Variants in FOCAD observed in about 807,000 individuals in gnomAD.
FOCAD encodes focadhesin.
Under a neutral mutation model 225.6 loss-of-function variants are expected in FOCAD, and 198 were observed. The observed-to-expected ratio is 0.88, with a 90% CI of 0.78 to 0.99. The LOEUF is 0.99. FOCAD is among the 50% of genes least tolerant of loss of function. The pLI, the probability that FOCAD is intolerant of heterozygous loss-of-function variation, is 0.00. For synonymous variants in FOCAD, 897 were observed against 755.0 expected (o/e 1.19, Z -3.08); for missense variants, 2,713 against 2,123.6 (o/e 1.28, Z -5.46).
intron 15 of FOCAD, among the ~76,000 whole-genome samples, chr9:20,850,586 AT>A (rs749921030): frequency 3.3e-5 from 5 of 151,786 alleles, no homozygotes; most frequent in Non-Finnish European, 5.9e-5. Context: ...TTAAATGCCA[AT>A]TTACATGATT....
rs541269052 is a variant in FOCAD, at chr9:20,894,301, C to T, written c.2625+9071C>T. 2.0e-5 allele frequency among the ~76,000 whole-genome samples: 3 copies of T among 152,174 alleles called. No individual in the cohort carries two copies. In the South Asian group the frequency reaches 6.2e-4, roughly 32 times the overall value. ...CTACAGAAGGATATTTTGGTTGCTTCCAAGTTTTAGCAAATATGTATAAAA... is the reference window on the plus strand; with the variant it reads ...CTACAGAAGGATATTTTGGTTGCTTTCAAGTTTTAGCAAATATGTATAAAA... On this transcript the variant is annotated intron_variant, in intron 21 of 43. Transcript: ENST00000338382.
intron 20 of FOCAD, among the ~76,000 whole-genome samples, chr9:20,883,093 A>G (rs1830813970): frequency 6.6e-6 from 1 of 152,188 alleles, no homozygotes; most frequent in South Asian, 2.1e-4. Flanking sequence ...ATTGACAATA[A>G]CACCATTTAG....
chr9:20,737,878 T>A (rs1398554317), intron 4 of FOCAD, among the ~76,000 whole-genome samples: 1 of 152,200 alleles, frequency 6.6e-6, no homozygotes. Flanking sequence ...AACTCTACCC[T>A]GTGACTTAGT....
At chr9:20,811,629 G>C (rs1346926082) in intron 11 of FOCAD, among the ~76,000 whole-genome samples, 1 of 151,986 alleles carries the variant, frequency 6.6e-6, no homozygotes, top group Admixed American at 6.6e-5. Flanking sequence ...AGATTATACT[G>C]TTTACCTTTT....
At chr9:20,694,169 A>T (rs77422631) in intron 1 of FOCAD, among the ~76,000 whole-genome samples, 1 of 152,218 alleles carries the variant, frequency 6.6e-6, no homozygotes, top group Non-Finnish European at 1.5e-5. Context: ...GTAAATCATA[A>T]CATTTTTTGT....
rs140529464 is a variant in FOCAD, at chr9:20,838,756, T to C, written c.1920+15641T>C. On this transcript the variant is annotated intron_variant, in intron 15 of 43. Coordinates refer to ENST00000338382, the MANE Select transcript of FOCAD (RefSeq NM_001375567.1). Reference sequence around the variant, plus strand: ...CTAGAGATAAAGCTTAGACTGTTTATTATTTGAGTTCCCCATGACTTTGAT... The same window carrying C: ...CTAGAGATAAAGCTTAGACTGTTTACTATTTGAGTTCCCCATGACTTTGAT... 6.7e-3 allele frequency among the ~76,000 whole-genome samples: 1,022 copies of C among 152,202 alleles called. 13 individuals are homozygous for C. The highest frequency in any genetic ancestry group is 0.039 in the South Asian group (189 of 4,818).
In FOCAD at chr9:20,948,319, G is replaced by C. The variant is rs758945973; in HGVS notation, c.3724G>C (p.Val1242Leu). 13 of 1,612,228 alleles carry C rather than the reference G, an allele frequency of 8.1e-6. No individual in the cohort carries two copies. In the South Asian group the frequency reaches 1.3e-4, roughly 16 times the overall value. ...AGGAAACATAGTTCATGGATTGTCTGTGTGTGGACATGGAAAAGCTGAAGA... is the reference window on the plus strand; with the variant it reads ...AGGAAACATAGTTCATGGATTGTCTCTGTGTGGACATGGAAAAGCTGAAGA... ...ALGNIVHGLS[V>L]CGHGKAEDLG... The change falls in exon 31 of 44, where the codon GTG becomes CTG. Residue 1242 changes from valine to leucine, a missense_variant. By Grantham distance (32) the Val-to-Leu change is conservative. Coordinates refer to ENST00000338382, the MANE Select transcript of FOCAD (RefSeq NM_001375567.1).
At chr9:20,816,058 CCTT>C (rs1356779967) in intron 11 of FOCAD, among the ~76,000 whole-genome samples, 1 of 152,046 alleles carries the variant, frequency 6.6e-6, no homozygotes, top group East Asian at 1.9e-4. Context: ...GTAAACATTT[CCTT>C]CTTTTTTCAT....
chr9:20,876,322 C>G (rs1375532467), intron 19 of FOCAD, among the ~76,000 whole-genome samples: 1 of 152,136 alleles, frequency 6.6e-6, no homozygotes, highest in South Asian at 2.1e-4. Context: ...AAAGTTCTTT[C>G]TTTAACCTGA....
intron 1 of FOCAD, among the ~76,000 whole-genome samples, chr9:20,689,312 A>T (rs964032422): frequency 2.6e-5 from 4 of 152,180 alleles, no homozygotes; most frequent in Non-Finnish European, 4.4e-5. Context: ...GCTCACCCAG[A>T]TGACTGTAGA....
chr9:20,720,300 C>T (rs1825670243), intron 3 of FOCAD, 80 bp from the exon 4 acceptor site: 1 of 1,369,934 alleles, frequency 7.3e-7, no homozygotes, highest in African/African-American at 1.4e-5. Context: ...ACAAATTACT[C>T]ATTGATGAAT....
intron 2 of FOCAD, among the ~76,000 whole-genome samples, chr9:20,717,487 C>G (rs1008127664): frequency 6.6e-6 from 1 of 152,144 alleles, no homozygotes; most frequent in Non-Finnish European, 1.5e-5. Context: ...ATGGAGTAAG[C>G]AATCTCAAGT....
intron 6 of FOCAD, among the ~76,000 whole-genome samples, chr9:20,758,612 G>T (rs1010438181): frequency 6.7e-6 from 1 of 149,624 alleles, no homozygotes; most frequent in African/African-American, 2.5e-5. Flanking sequence ...GAGACTATGC[G>T]GTGTTTGGTT....
chr9:20,995,760 C>A lies in FOCAD; in HGVS notation c.*131C>A. 1 of 734,270 alleles carries A rather than the reference C, an allele frequency of 1.4e-6. No homozygotes were observed. Among genetic ancestry groups the A allele is most frequent in the Admixed American group, 2.5e-5 (1 of 40,432 alleles). 45.5% of individuals were successfully genotyped at this position (734,270 alleles called of 1,614,324 possible). A position where few individuals can be genotyped will look rare whatever the true frequency, so the allele number is the denominator to read the frequency against. ...AGAGTTAAGGGTCATGAAAAGATGG[C>A]CACATCACTGACAGCTTGACACATG... On this transcript the variant is annotated 3_prime_UTR_variant, in exon 44 of 44. Transcript: ENST00000338382.
intron 35 of FOCAD, among the ~76,000 whole-genome samples, chr9:20,953,895 A>T (rs1837909476): frequency 6.6e-6 from 1 of 152,200 alleles, no homozygotes; most frequent in South Asian, 2.1e-4. Flanking sequence ...AAAAAAATAA[A>T]CAAAAAAACT....
intron 4 of FOCAD, among the ~76,000 whole-genome samples, chr9:20,736,990 C>A (rs1237677562): frequency 1.3e-5 from 2 of 151,802 alleles, no homozygotes. Flanking sequence ...GGGATAGTTT[C>A]AATTAAATTT....
intron 11 of FOCAD, among the ~76,000 whole-genome samples, chr9:20,799,934 TC>T (rs1454014035): frequency 6.6e-6 from 1 of 152,156 alleles, no homozygotes; most frequent in Non-Finnish European, 1.5e-5. Flanking sequence ...TGCAGTTTCT[TC>T]CTAGCCTCAA....
chr9:20,959,712 G>C (rs1385744830), intron 35 of FOCAD, among the ~76,000 whole-genome samples: 2 of 151,922 alleles, frequency 1.3e-5, no homozygotes, highest in African/African-American at 4.8e-5. Flanking sequence ...TTTTTGTAGG[G>C]CGAGAGATTG....
At chr9:20,893,499 G>T (rs1370260219) in intron 21 of FOCAD, among the ~76,000 whole-genome samples, 1 of 151,962 alleles carries the variant, frequency 6.6e-6, no homozygotes, top group African/African-American at 2.4e-5. Context: ...GATCTTACTG[G>T]CATGTGAATA....
Sources: allele counts gnomAD v4.1 joint callset (sites outside exome capture counted in the v4.1 genomes callset), GRCh38; gene constraint gnomAD v4.1.1; transcripts MANE v1.5; gene names NCBI Gene and HGNC (gene_info 2026-07-23, HGNC 2026-07-21).